Variants in MOCOS observed in about 807,000 individuals in gnomAD.
MOCOS encodes the protein human molybdenum cofactor sulfurase.
In MOCOS, 86 loss-of-function variants were observed where a neutral mutation model predicts 83.6. That is an observed-to-expected ratio of 1.03 (90% CI 0.86 to 1.23). The LOEUF (loss-of-function observed/expected upper bound fraction) is 1.23, where lower values mean the gene tolerates loss of function less well. MOCOS is among the 50% of genes most tolerant of loss of function. MOCOS has a pLI of 0.00. For missense variants in MOCOS, 1,120 were observed against 1,126.9 expected (o/e 0.99, Z 0.09); for synonymous variants, 445 against 434.7 (o/e 1.02, Z -0.29).
intron 6 of MOCOS, among the ~76,000 whole-genome samples, chr18:36,211,983 C>T (rs563751169): frequency 1.3e-5 from 2 of 152,322 alleles, no homozygotes; most frequent in Non-Finnish European, 2.9e-5. Flanking sequence ...GTCTCGAGCC[C>T]TGAGGCTGCT....
intron 6 of MOCOS, among the ~76,000 whole-genome samples, chr18:36,211,594 G>A (rs1052218296): frequency 6.6e-6 from 1 of 152,048 alleles, no homozygotes; most frequent in Non-Finnish European, 1.5e-5. Context: ...CCTGAATGCT[G>A]TGCTCATCCT....
At chr18:36,234,973 C>T (rs925305937) in intron 9 of MOCOS, among the ~76,000 whole-genome samples, 3 of 152,096 alleles carry the variant, frequency 2.0e-5, no homozygotes, top group African/African-American at 7.2e-5. Context: ...AATCACCTCC[C>T]TCCCTTGATA....
chr18:36,194,684 G>A (rs369399222), intron 1 of MOCOS, among the ~76,000 whole-genome samples: 12 of 152,284 alleles, frequency 7.9e-5, no homozygotes, highest in South Asian at 2.1e-4. Context: ...AGCTTGTTTC[G>A]CCACAGCTTC....
intron 1 of MOCOS, among the ~76,000 whole-genome samples, chr18:36,192,903 C>T (rs1169719858): frequency 6.6e-6 from 1 of 152,170 alleles, no homozygotes; most frequent in African/African-American, 2.4e-5. Flanking sequence ...CTCACCTCAG[C>T]TTCCCCAAGT....
At chr18:36,268,386 T>C (rs2091688423) in intron 14 of MOCOS, 147 bp from the exon 15 acceptor site, 1 of 964,494 alleles carries the variant, frequency 1.0e-6, no homozygotes, top group African/African-American at 1.6e-5. Context: ...CAGTGCATTC[T>C]ACTGTGTAAC....
Position 36,213,491 on chromosome 18 carries a change from A to G in MOCOS, c.1335+9A>G, listed in dbSNP as rs1400208683. 5 of 1,608,112 alleles carry G rather than the reference A, an allele frequency of 3.1e-6. No homozygotes were observed. The highest frequency in any genetic ancestry group is 4.3e-6 in the Non-Finnish European group (5 of 1,175,364). On this transcript the variant is annotated intron_variant, in intron 7 of 14. Coordinates refer to ENST00000261326, the MANE Select transcript of MOCOS (RefSeq NM_017947.4). The stretch of plus-strand genomic sequence containing the variant: ...TCAGGAAGCATTTTCAGGTTGGTAC[A>G]GGGCTCTGCGATCCAGACGCTGGTC...
Position 36,251,225 on chromosome 18 carries a change from T to A in MOCOS, c.2106T>A (p.Cys702Ter), listed in dbSNP as rs1393955477. ...TGTCAACATTTTTTGGCCGTCCTTGTCATTTGATCAAACAAAGTTCAAACT... is the reference window on the plus strand; with the variant it reads ...TGTCAACATTTTTTGGCCGTCCTTGACATTTGATCAAACAAAGTTCAAACT... ...SWLSTFFGRPCHLIKQSSNSQ... is the reference protein window; with the variant it reads ...SWLSTFFGRP The change falls in exon 11 of 15, where the codon TGT becomes TGA. Residue 702 changes from cysteine (C) to a stop codon, truncating the protein, a stop_gained. Coordinates refer to ENST00000261326, the MANE Select transcript of MOCOS (RefSeq NM_017947.4). LOFTEE classifies it high-confidence loss of function. 1.2e-6 allele frequency: 2 copies of A among 1,613,886 alleles called. No homozygotes were observed. Among genetic ancestry groups the A allele is most frequent in the African/African-American group, 2.7e-5 (2 of 74,942 alleles).
chr18:36,240,312 T>C lies in MOCOS; in HGVS notation c.1961-8610T>C, dbSNP rs1485993441. ...TGATGGTGATGTACAGATGGGTTTT[T>C]GGTGTGGATGTCCTTTCTGTTTGTT... On this transcript the variant is annotated intron_variant, in intron 9 of 14. Coordinates refer to ENST00000261326, the MANE Select transcript of MOCOS (RefSeq NM_017947.4). Among the ~76,000 whole-genome samples, 477 of 127,856 alleles carry C rather than the reference T, an allele frequency of 3.7e-3. 2 individuals are homozygous for C. The highest frequency in any genetic ancestry group is 0.014 in the African/African-American group (447 of 31,948). 83.9% of individuals were successfully genotyped at this position (127,856 alleles called of 152,430 possible).
At chr18:36,268,506 T>C (rs751192064) in intron 14 of MOCOS, 27 bp from the exon 15 acceptor site, 1 of 1,613,952 alleles carries the variant, frequency 6.2e-7, no homozygotes, top group East Asian at 2.2e-5. Context: ...CTAGCCTTTT[T>C]TGTTGTTGTT....
intron 9 of MOCOS, among the ~76,000 whole-genome samples, chr18:36,243,712 C>G (rs1000010831): frequency 2.0e-5 from 3 of 152,120 alleles, no homozygotes; most frequent in African/African-American, 7.2e-5. Context: ...CTTTGAATGT[C>G]TGACAGAATT....
chr18:36,199,420 T>C (rs1404118259), intron 3 of MOCOS, among the ~76,000 whole-genome samples: 1 of 152,232 alleles, frequency 6.6e-6, no homozygotes, highest in African/African-American at 2.4e-5. Context: ...GAAAGTAGTA[T>C]CAACTCTGAT....
chr18:36,235,805 T>A (rs1292210021), intron 9 of MOCOS, among the ~76,000 whole-genome samples: 1 of 146,422 alleles, frequency 6.8e-6, no homozygotes. Context: ...GTTTCCTGAC[T>A]TTTTAATGAT....
intron 9 of MOCOS, among the ~76,000 whole-genome samples, chr18:36,230,207 C>T (rs999610065): frequency 1.3e-5 from 2 of 152,064 alleles, no homozygotes; most frequent in Admixed American, 6.6e-5. Flanking sequence ...CTCAGCCTCC[C>T]GAGTAGCTGG....
intron 9 of MOCOS, among the ~76,000 whole-genome samples, chr18:36,223,624 A>G (rs1285532588): frequency 6.6e-6 from 1 of 152,148 alleles, no homozygotes; most frequent in Non-Finnish European, 1.5e-5. Flanking sequence ...CTATTTCTGT[A>G]AAAAAATGCC....
At chr18:36,228,167 AG>A (rs762763072) in intron 9 of MOCOS, among the ~76,000 whole-genome samples, 23 of 152,240 alleles carry the variant, frequency 1.5e-4, no homozygotes, top group Non-Finnish European at 2.6e-4. Context: ...ATTATTAAAA[AG>A]TAAAAAAATA....
At chr18:36,237,683 A>C (rs1441612085) in intron 9 of MOCOS, among the ~76,000 whole-genome samples, 1 of 151,974 alleles carries the variant, frequency 6.6e-6, no homozygotes, top group Non-Finnish European at 1.5e-5. Flanking sequence ...TTTTCTATTG[A>C]TTGGAATAGT....
chr18:36,251,355 T>G, intron 11 of MOCOS, 72 bp downstream of exon 11: 1 of 1,568,832 alleles, frequency 6.4e-7, no homozygotes, highest in Non-Finnish European at 8.7e-7. Context: ...AAACAGCCCA[T>G]GAACTGCACT....
chr18:36,205,016 A>AAAAAATG, intron 5 of MOCOS, 61 bp from the exon 6 acceptor site: 1 of 1,242,584 alleles, frequency 8.0e-7, no homozygotes, highest in Non-Finnish European at 1.1e-6. Flanking sequence ...AAAAAAAAAA[A>AAAAAATG]GAGTGAATTG....
At chr18:36,252,817 C>T (rs2091627000) in intron 11 of MOCOS, among the ~76,000 whole-genome samples, 3 of 152,162 alleles carry the variant, frequency 2.0e-5, no homozygotes, top group Admixed American at 2.0e-4. Flanking sequence ...CTACAAATCC[C>T]TGAAAGTGTA....
Sources: gnomAD v4.1 joint callset for allele counts (sites outside exome capture counted in the v4.1 genomes callset) on GRCh38, gnomAD v4.1.1 for gene constraint, MANE v1.5 for transcripts, NCBI Gene and HGNC (gene_info 2026-07-23, HGNC 2026-07-21) for gene names.